Variants in GARNL3 observed in about 807,000 individuals in gnomAD.
GARNL3 encodes GTPase activating Rap/RanGAP domain like 3.
A neutral mutation model predicts 125.0 loss-of-function variants in GARNL3; 63 were observed. That is an observed-to-expected ratio of 0.50 (90% CI 0.41 to 0.62). The LOEUF (loss-of-function observed/expected upper bound fraction) is 0.62, where lower values mean the gene tolerates loss of function less well. GARNL3 is among the 20% of genes least tolerant of loss of function. The pLI, the probability that GARNL3 is intolerant of heterozygous loss-of-function variation, is 0.00. For missense variants in GARNL3, 994 were observed against 1,244.0 expected (o/e 0.80, Z 3.02); for synonymous variants, 439 against 457.5 (o/e 0.96, Z 0.52).
rs970896707 is a variant in GARNL3 at position 127,364,360 on chromosome 9, G to C, written c.2095-940G>C. 5 of 152,510 alleles carry C rather than the reference G, an allele frequency of 3.3e-5. No individual in the cohort carries two copies. Among genetic ancestry groups the C allele is most frequent in the African/African-American group, 1.2e-4 (5 of 41,470 alleles). The allele number at this position is 152,510 out of a possible 1,614,324, so 9.4% of individuals were successfully genotyped here. ...AAGATGTCACCCATCAGAGGCTGCA[G>C]AGGGCAGGATGGATAGATGAGCAGA... On this transcript the variant is annotated intron_variant, in intron 21 of 27. Transcript: ENST00000373387. The surrounding 1 kb of genome is among the most constrained non-coding windows in gnomAD (Gnocchi z 4.2).
chr9:127,307,917 G>A (rs1178088482), intron 2 of GARNL3, among the ~76,000 whole-genome samples: 1 of 152,204 alleles, frequency 6.6e-6, no homozygotes, highest in Admixed American at 6.5e-5. Context: ...TCTGGCTGAG[G>A]CCAGCTTCCT....
At chr9:127,342,683 G>A (rs1261506118) in intron 14 of GARNL3, among the ~76,000 whole-genome samples, 2 of 152,072 alleles carry the variant, frequency 1.3e-5, no homozygotes, top group African/African-American at 4.8e-5. Flanking sequence ...AGCATTGCCA[G>A]TCACATGAGC....
At chr9:127,247,607 A>AT (rs1409679335) in intron 2 of GARNL3, among the ~76,000 whole-genome samples, 4 of 151,826 alleles carry the variant, frequency 2.6e-5, no homozygotes, top group African/African-American at 9.7e-5. Context: ...TGTTATTTAT[A>AT]TTTTTTTACC....
intron 7 of GARNL3, among the ~76,000 whole-genome samples, chr9:127,331,102 G>T (rs1274368961): frequency 1.3e-5 from 2 of 151,832 alleles, no homozygotes; most frequent in African/African-American, 2.4e-5. Context: ...CCTTGTAGAG[G>T]TCGATTCTCT....
At chr9:127,320,220 T>C (rs560653498) in intron 5 of GARNL3, among the ~76,000 whole-genome samples, 2 of 152,348 alleles carry the variant, frequency 1.3e-5, no homozygotes, top group Admixed American at 6.5e-5. Context: ...AAGTTCGTTA[T>C]TATTTTTAAC....
chr9:127,277,709 C>T (rs1427662427), intron 1 of GARNL3, among the ~76,000 whole-genome samples: 1 of 152,018 alleles, frequency 6.6e-6, no homozygotes, highest in Non-Finnish European at 1.5e-5. Flanking sequence ...CCCACCATTG[C>T]CCAGGCCTGA....
At chr9:127,357,484 A>AT (rs1830751503) in intron 21 of GARNL3, 107 bp downstream of exon 21, 1 of 1,032,028 alleles carries the variant, frequency 9.7e-7, no homozygotes, top group Admixed American at 2.2e-5. Flanking sequence ...ATTATGTACT[A>AT]TTCATCACAT....
intron 2 of GARNL3, among the ~76,000 whole-genome samples, chr9:127,305,665 T>A (rs2064932882): frequency 6.6e-6 from 1 of 152,042 alleles, no homozygotes; most frequent in South Asian, 2.1e-4. Context: ...CTCAGCCTTC[T>A]GGGTTCAAGT....
upstream of GARNL3, among the ~76,000 whole-genome samples, chr9:127,262,826 G>C (rs1322018980): frequency 6.6e-6 from 1 of 152,212 alleles, no homozygotes; most frequent in African/African-American, 2.4e-5. Context: ...CAGACACTGG[G>C]GCCTTGGGAG....
chr9:127,377,020 A>G (rs1024843555), intron 22 of GARNL3, among the ~76,000 whole-genome samples: 2 of 152,360 alleles, frequency 1.3e-5, no homozygotes, highest in South Asian at 4.1e-4. Context: ...CAGAATCCCA[A>G]TTCTTTTCTC....
chr9:127,300,461 G>C (rs1467422686), intron 2 of GARNL3: 3 of 413,574 alleles, frequency 7.3e-6, no homozygotes, highest in African/African-American at 6.4e-5. Flanking sequence ...CTTCTTGTTT[G>C]GGTGAATTTT....
chr9:127,383,726 A>G (rs1002946751), intron 23 of GARNL3, among the ~76,000 whole-genome samples, 181 bp downstream of exon 23: 1 of 152,184 alleles, frequency 6.6e-6, no homozygotes, highest in Non-Finnish European at 1.5e-5. Context: ...TTTTGGGACT[A>G]TCGTCTTCTA....
chr9:127,281,837 A>ATGTGTC (rs763384461), intron 1 of GARNL3, among the ~76,000 whole-genome samples: 2 of 152,148 alleles, frequency 1.3e-5, no homozygotes, highest in Admixed American at 6.6e-5. Flanking sequence ...TAAGTCAGGG[A>ATGTGTC]TGTGTCTGTG....
intron 25 of GARNL3, among the ~76,000 whole-genome samples, chr9:127,387,631 T>C (rs1832613244): frequency 6.6e-6 from 1 of 150,824 alleles, no homozygotes; most frequent in Admixed American, 6.6e-5. Flanking sequence ...TAATCCCAGC[T>C]ACTTGGGAGG....
At chr9:127,328,276 G>A (rs1829007751) in intron 7 of GARNL3, among the ~76,000 whole-genome samples, 1 of 152,198 alleles carries the variant, frequency 6.6e-6, no homozygotes, top group Non-Finnish European at 1.5e-5. Flanking sequence ...ATCTTGGAGT[G>A]TGAACAATGG....
At chr9:127,259,862 C>T (rs926280765), upstream of GARNL3, among the ~76,000 whole-genome samples, 40 of 151,734 alleles carry the variant, frequency 2.6e-4, no homozygotes, top group African/African-American at 9.4e-4. Flanking sequence ...TTGTGAGACC[C>T]CCCCGCCCAT....
chr9:127,269,558 T>G (rs1356499261), intron 1 of GARNL3, among the ~76,000 whole-genome samples: 1 of 152,346 alleles, frequency 6.6e-6, no homozygotes, highest in East Asian at 1.9e-4. Flanking sequence ...TTTCTATTTC[T>G]CCACAATCTT....
chr9:127,315,201 A>T (rs1446194427), intron 4 of GARNL3, among the ~76,000 whole-genome samples: 5 of 152,188 alleles, frequency 3.3e-5, no homozygotes, highest in Non-Finnish European at 7.4e-5. Flanking sequence ...ATCAAAACTG[A>T]GCATTGGCAC....
chr9:127,256,553 C>T (rs1224389973), intron 2 of GARNL3, among the ~76,000 whole-genome samples: 2 of 152,210 alleles, frequency 1.3e-5, no homozygotes, highest in Non-Finnish European at 2.9e-5. Flanking sequence ...TGTATGAGAG[C>T]AGGGACCGCA....
Sources: gnomAD v4.1 joint callset for allele counts (sites outside exome capture counted in the v4.1 genomes callset) on GRCh38, gnomAD v4.1.1 for gene constraint, Gnocchi (gnomAD v3.1) non-coding constraint, MANE v1.5 for transcripts, NCBI Gene and HGNC (gene_info 2026-07-23, HGNC 2026-07-21) for gene names.